Variants in GABBR1 observed in about 807,000 individuals in gnomAD.
GABBR1 encodes GABA-B receptor, R1 subunit.
Under a neutral mutation model 117.7 loss-of-function variants are expected in GABBR1, and 35 were observed. That is an observed-to-expected ratio of 0.30 (90% CI 0.23 to 0.39). GABBR1 has a LOEUF of 0.39. GABBR1 is among the 10% of genes least tolerant of loss of function. The pLI, the probability that GABBR1 is intolerant of heterozygous loss-of-function variation, is 1.00. For missense variants in GABBR1, 709 were observed against 1,241.8 expected (o/e 0.57, Z 6.45); for synonymous variants, 442 against 486.6 (o/e 0.91, Z 1.21).
At position 29,603,353 on chromosome 6, in the gene GABBR1, G is replaced by C. The variant is rs1761580227; in HGVS notation, c.*190C>G. 1 of 709,248 alleles carries C rather than the reference G, an allele frequency of 1.4e-6. No homozygotes were observed. The highest frequency in any genetic ancestry group is 2.6e-6 in the Non-Finnish European group (1 of 386,330). The allele number at this position is 709,248 out of a possible 1,614,324, so 43.9% of individuals were successfully genotyped here. On this transcript the variant is annotated 3_prime_UTR_variant, in exon 23 of 23. Transcript: ENST00000377034. ...TACATGAAGCAGTAAGAGAGAAAAA[G>C]GTCTGTTTCCCAGAGGTATGAGAGA...
At position 29,605,084 on chromosome 6, in the gene GABBR1, T is replaced by C; in HGVS notation, c.2440-96A>G. 2 of 1,293,278 alleles carry C rather than the reference T, an allele frequency of 1.5e-6. No individual in the cohort carries two copies. The highest frequency in any genetic ancestry group is 2.1e-6 in the Non-Finnish European group (2 of 954,512). The allele number at this position is 1,293,278 out of a possible 1,614,324, so 80.1% of individuals were successfully genotyped here. A position where few individuals can be genotyped will look rare whatever the true frequency, so the allele number is the denominator to read the frequency against. ...TGGGAGGGAGTCTATGCAGACAGTT[T>C]CCTGGTGAACTTTCCCTTTGAAAAG... On this transcript the variant is annotated intron_variant, in intron 20 of 22. Coordinates refer to ENST00000377034, the MANE Select transcript of GABBR1 (RefSeq NM_001470.4). The surrounding 1 kb of genome is among the most constrained non-coding windows in gnomAD (Gnocchi z 4.2).
intron 6 of GABBR1, 176 bp from the exon 7 acceptor site, chr6:29,624,200 T>A (rs1046061850): frequency 4.9e-6 from 3 of 606,406 alleles, no homozygotes; most frequent in Non-Finnish European, 8.2e-6. Context: ...TTTTTTCTCC[T>A]CTTTCATTAA....
Position 29,606,752 on chromosome 6 carries a change from T to C in GABBR1, c.2217+145A>G, listed in dbSNP as rs565206689. The C allele has an allele frequency of 1.4e-5, 10 of 703,124 alleles. No homozygotes were observed. The African/African-American group carries it at 1.8e-4, about 13-fold the overall frequency. 43.6% of individuals were successfully genotyped at this position (703,124 alleles called of 1,614,324 possible). On this transcript the variant is annotated intron_variant, in intron 18 of 22. Coordinates refer to ENST00000377034, the MANE Select transcript of GABBR1 (RefSeq NM_001470.4). This position sits in a 1 kb window ranked among gnomAD's most constrained non-coding sequence, Gnocchi z 4.5. ...CTGGAGGCCTATGAGGGGCTCCTTC[T>C]AGGAAGGAAAGGAAGAGCTTCCAAT...
rs780839091 is a variant in GABBR1, at chr6:29,631,562, G to A, written c.123C>T (p.Ile41=). 15 of 1,614,214 alleles carry A rather than the reference G, an allele frequency of 9.3e-6. No homozygotes were observed. The highest frequency in any genetic ancestry group is 1.3e-5 in the African/African-American group (1 of 75,064). Residue 41 remains isoleucine (I), a synonymous_variant, in exon 3 of 23, where the codon ATC becomes ATT. Coordinates refer to ENST00000377034, the MANE Select transcript of GABBR1 (RefSeq NM_001470.4). This position sits in a 1 kb window ranked among gnomAD's most constrained non-coding sequence, Gnocchi z 5.9. ...GGTCCCGAGTCAGGCCCCGGTACCT[G>A]ATGCCCCCTTCCCAGGGCGGGTGTA... The part of the protein sequence containing the change: ...QIIHPPWEGG[I]RYRGLTRDQV...
intron 12 of GABBR1, among the ~76,000 whole-genome samples, chr6:29,612,872 T>C (rs1762696967): frequency 6.6e-6 from 1 of 152,212 alleles, no homozygotes. Context: ...AGCAGGCTTC[T>C]GGTTGTGTGG....
At chr6:29,614,577 GC>G (rs1762871944) in intron 11 of GABBR1, among the ~76,000 whole-genome samples, 1 of 152,222 alleles carries the variant, frequency 6.6e-6, no homozygotes, top group Non-Finnish European at 1.5e-5. Flanking sequence ...CTTTGAAGGA[GC>G]CTGGGCTTTG....
chr6:29,606,610 C>T lies in GABBR1; in HGVS notation c.2218-126G>A, dbSNP rs1008169544. ...CTCAATGCTGATGCCAAATCTCATT[C>T]TAGGCCTAAGAATGTTTTCCTGAAC... On this transcript the variant is annotated intron_variant, in intron 18 of 22. Coordinates refer to ENST00000377034, the MANE Select transcript of GABBR1 (RefSeq NM_001470.4). The surrounding 1 kb of genome is among the most constrained non-coding windows in gnomAD (Gnocchi z 4.5). 2 of 739,610 alleles carry T rather than the reference C, an allele frequency of 2.7e-6. No homozygotes were observed. Among genetic ancestry groups the T allele is most frequent in the African/African-American group, 3.5e-5 (2 of 57,838 alleles). The allele number at this position is 739,610 out of a possible 1,614,324, so 45.8% of individuals were successfully genotyped here.
In GABBR1 at chr6:29,623,692, C is replaced by A. The variant is rs29247; in HGVS notation, c.792+198G>T. 9.9e-3 allele frequency among the ~76,000 whole-genome samples: 1,507 copies of A among 152,286 alleles called. 63 individuals are homozygous for A. Among genetic ancestry groups the A allele is most frequent in the East Asian group, 0.095 (495 of 5,184 alleles). On this transcript the variant is annotated intron_variant, in intron 7 of 22. Transcript: ENST00000377034. The surrounding 1 kb of genome is among the most constrained non-coding windows in gnomAD (Gnocchi z 6.2). ...TTCACTGATCTAATTTCAATTCCTT[C>A]TGAAGAAGGAGGTCAGCTGCAGCAC...
Position 29,621,940 on chromosome 6 carries a change from A to G in GABBR1, c.1066-123T>C. ...CTTAGTGCAGGGTAACGCTCAACGT[A>G]TAGTGAATAAACGTCAACTGGAAGA... On this transcript the variant is annotated intron_variant, in intron 9 of 22. Transcript: ENST00000377034. The surrounding 1 kb of genome is among the most constrained non-coding windows in gnomAD (Gnocchi z 5.0). 3 of 1,083,272 alleles carry G rather than the reference A, an allele frequency of 2.8e-6. No individual in the cohort carries two copies. The highest frequency in any genetic ancestry group is 4.2e-6 in the Non-Finnish European group (3 of 720,002). 67.1% of individuals were successfully genotyped at this position (1,083,272 alleles called of 1,614,324 possible).
In GABBR1 at chr6:29,603,310, G is replaced by A. The variant is rs376671645; in HGVS notation, c.*233C>T. On this transcript the variant is annotated 3_prime_UTR_variant, in exon 23 of 23. Transcript: ENST00000377034. ...TCAAGCCAGGTACGAACTAAATTGT[G>A]AAGAGGTGATACAAAATTACATGAA... 30 of 694,070 alleles carry A rather than the reference G, an allele frequency of 4.3e-5. No individual in the cohort carries two copies. The highest frequency in any genetic ancestry group is 2.8e-4 in the African/African-American group (16 of 57,106). The allele number at this position is 694,070 out of a possible 1,614,324, so 43.0% of individuals were successfully genotyped here.
chr6:29,629,029 G>A (rs1764678975), intron 5 of GABBR1, 58 bp downstream of exon 5: 4 of 1,598,674 alleles, frequency 2.5e-6, no homozygotes, highest in South Asian at 1.1e-5. Flanking sequence ...GGGGGGTGGA[G>A]GGTGCAGAGT....
Position 29,627,722 on chromosome 6 carries a change from C to A in GABBR1, c.497-76G>T. 1 of 1,516,678 alleles carries A rather than the reference C, an allele frequency of 6.6e-7. No individual in the cohort carries two copies. Among genetic ancestry groups the A allele is most frequent in the Non-Finnish European group, 8.8e-7 (1 of 1,136,276 alleles). The allele number at this position is 1,516,678 out of a possible 1,614,324, so 94.0% of individuals were successfully genotyped here. A position where few individuals can be genotyped will look rare whatever the true frequency, so the allele number is the denominator to read the frequency against. On this transcript the variant is annotated intron_variant, in intron 5 of 22. Transcript: ENST00000377034. The surrounding 1 kb of genome is among the most constrained non-coding windows in gnomAD (Gnocchi z 4.4). ...GAGTGGGAGGCCCACACCGGAGCCA[C>A]CCCTGCCGCCATCACAACCAGAAGC...
chr6:29,623,264 T>G lies in GABBR1; in HGVS notation c.963+41A>C. Reference sequence around the variant, plus strand: ...CGTCACATCTCCTGGTGCTGGAATTTGAGCTTATGTCCCTTTACCCCTTGC... The same window carrying G: ...CGTCACATCTCCTGGTGCTGGAATTGGAGCTTATGTCCCTTTACCCCTTGC... On this transcript the variant is annotated intron_variant, in intron 8 of 22. Coordinates refer to ENST00000377034, the MANE Select transcript of GABBR1 (RefSeq NM_001470.4). The surrounding 1 kb of genome is among the most constrained non-coding windows in gnomAD (Gnocchi z 6.2). 2.5e-4 allele frequency: 395 copies of G among 1,553,196 alleles called. No individual in the cohort carries two copies. The highest frequency in any genetic ancestry group is 3.2e-4 in the Non-Finnish European group (358 of 1,136,474).
rs1004819426 is a variant in GABBR1 at position 29,623,807 on chromosome 6, T to C, written c.792+83A>G. The C allele has an allele frequency of 6.7e-7, 1 of 1,500,666 alleles. No homozygotes were observed. Among genetic ancestry groups the C allele is most frequent in the Non-Finnish European group, 9.0e-7 (1 of 1,105,372 alleles). The allele number at this position is 1,500,666 out of a possible 1,614,324, so 93.0% of individuals were successfully genotyped here. Reference sequence around the variant, plus strand: ...GCAGGTCCTCCACACTCCTTTTCAATACAAACCCACAATCGCCATCGTCCC... The same window carrying C: ...GCAGGTCCTCCACACTCCTTTTCAACACAAACCCACAATCGCCATCGTCCC... On this transcript the variant is annotated intron_variant, in intron 7 of 22. Transcript: ENST00000377034. This position sits in a 1 kb window ranked among gnomAD's most constrained non-coding sequence, Gnocchi z 6.2.
Position 29,621,122 on chromosome 6 carries a change from A to G in GABBR1, c.1302T>C (p.Asn434=). 1 of 1,612,868 alleles carries G rather than the reference A, an allele frequency of 6.2e-7. No individual in the cohort carries two copies. The highest frequency in any genetic ancestry group is 8.5e-7 in the Non-Finnish European group (1 of 1,179,968). ...TCACCATGTTGGAAATGCTGCGGGT[A>G]TTGGCAGGATTCAGCATGACAATCT... ...TTEIVMLNPA[N]TRSISNMTSQ... is the part of the protein sequence containing the mutation. Residue 434 remains asparagine, a synonymous_variant, in exon 11 of 23, where the codon AAT becomes AAC. Coordinates refer to ENST00000377034, the MANE Select transcript of GABBR1 (RefSeq NM_001470.4). This position sits in a 1 kb window ranked among gnomAD's most constrained non-coding sequence, Gnocchi z 5.0.
In GABBR1 at chr6:29,632,762, C is replaced by G. The variant is rs1375500825; in HGVS notation, c.-1+88G>C. 1.4e-5 allele frequency: 16 copies of G among 1,111,652 alleles called. No individual in the cohort carries two copies. Among genetic ancestry groups the G allele is most frequent in the Admixed American group, 3.3e-5 (1 of 29,910 alleles). The allele number at this position is 1,111,652 out of a possible 1,614,324, so 68.9% of individuals were successfully genotyped here. A position where few individuals can be genotyped will look rare whatever the true frequency, so the allele number is the denominator to read the frequency against. ...TCCTCTCCCCCAGCCCCGCTTCCCC[C>G]AGCTGGGCCCTGCGCCCACTGCCCC... On this transcript the variant is annotated intron_variant, in intron 1 of 22. Transcript: ENST00000377034. This position sits in a 1 kb window ranked among gnomAD's most constrained non-coding sequence, Gnocchi z 5.8.
intron 6 of GABBR1, among the ~76,000 whole-genome samples, chr6:29,625,345 C>A (rs1372134149): frequency 1.3e-5 from 2 of 152,184 alleles, no homozygotes; most frequent in African/African-American, 4.8e-5. Context: ...TGCCCCTCCA[C>A]TTCTCTAAAG....
chr6:29,612,504 C>T (rs1762653088), intron 13 of GABBR1, 47 bp downstream of exon 13: 1 of 1,560,692 alleles, frequency 6.4e-7, no homozygotes. Context: ...CCCAGCCCAG[C>T]CCCAGCCTAG....
At position 29,606,466 on chromosome 6, in the gene GABBR1, G is replaced by T; in HGVS notation, c.2236C>A (p.Pro746Thr). Residue 746 changes from proline (P) to threonine (T), a missense_variant, in exon 19 of 23, where the codon CCT becomes ACT. Physicochemically the swap from Pro to Thr is conservative, Grantham distance 38. Transcript: ENST00000377034. This position sits in a 1 kb window ranked among gnomAD's most constrained non-coding sequence, Gnocchi z 4.5. ...ATAGAGACGTCAATATCTTCCTTAG[G>T]TTCCTCCTTGGCAAATGTCTAGGGC... is the stretch of plus-strand genomic sequence containing the variant. ...RTIETFAKEE[P>T]KEDIDVSILP... The T allele has an allele frequency of 6.2e-7, 1 of 1,612,220 alleles. No homozygotes were observed. The highest frequency in any genetic ancestry group is 8.5e-7 in the Non-Finnish European group (1 of 1,179,226).
Sources: gnomAD v4.1 joint callset for allele counts (sites outside exome capture counted in the v4.1 genomes callset) on GRCh38, gnomAD v4.1.1 for gene constraint, Gnocchi (gnomAD v3.1) non-coding constraint, MANE v1.5 for transcripts, NCBI Gene and HGNC (gene_info 2026-07-23, HGNC 2026-07-21) for gene names.